The following PARP8 variants were observed in gnomAD, a reference collection of about 807,000 sequenced individuals.
PARP8 encodes poly(ADP-ribose) polymerase family member 8, also known as protein mono-ADP-ribosyltransferase PARP8.
Under a neutral mutation model 124.1 loss-of-function variants are expected in PARP8, and 51 were observed. The observed-to-expected ratio is 0.41, with a 90% CI of 0.33 to 0.52. The LOEUF (loss-of-function observed/expected upper bound fraction) is 0.52, where lower values mean the gene tolerates loss of function less well. Among genes scored for constraint, PARP8 ranks in the 20% least tolerant of loss-of-function variants. PARP8 has a pLI of 0.21. For synonymous variants in PARP8, 391 were observed against 361.5 expected (o/e 1.08, Z -0.93); for missense variants, 860 against 1,018.9 (o/e 0.84, Z 2.12).
At chr5:50,786,336 AG>A (rs1332115422) in intron 9 of PARP8, among the ~76,000 whole-genome samples, 3 of 150,950 alleles carry the variant, frequency 2.0e-5, no homozygotes, top group African/African-American at 7.3e-5. Flanking sequence ...ATTTCATAAC[AG>A]TTGTTTACCT....
intron 2 of PARP8, among the ~76,000 whole-genome samples, chr5:50,721,922 T>C (rs1361471479): frequency 6.6e-6 from 1 of 152,146 alleles, no homozygotes; most frequent in African/African-American, 2.4e-5. Flanking sequence ...TGTTCTTCTT[T>C]TTATATTTTA....
Position 50,761,907 on chromosome 5 carries a change from A to ACC in PARP8, c.423+10_423+11dup. The ACC allele has an allele frequency of 1.9e-6, 3 of 1,560,340 alleles. No homozygotes were observed. The highest frequency in any genetic ancestry group is 1.8e-6 in the Non-Finnish European group (2 of 1,136,916). ...TTTATTACGGAGGGCAGGTAAGGAA[A>ACC]CCTGGTCTTCCAAATACCTAGTCTT... On this transcript the variant is annotated intron_variant, in intron 6 of 25. Transcript: ENST00000281631.
chr5:50,835,918 C>G (rs978314750), intron 25 of PARP8, among the ~76,000 whole-genome samples: 2 of 152,144 alleles, frequency 1.3e-5, no homozygotes, highest in African/African-American at 4.8e-5. Flanking sequence ...CCACCTTATC[C>G]ATGATCTTGT....
rs1288041972 is a variant in PARP8 at position 50,727,615 on chromosome 5, A to G, written c.147-22536A>G. Among the ~76,000 whole-genome samples the G allele has an allele frequency of 2.6e-5, 4 of 152,194 alleles. No homozygotes were observed. The East Asian group carries it at 7.7e-4, about 29-fold the overall frequency. On this transcript the variant is annotated intron_variant, in intron 2 of 25. Transcript: ENST00000281631. Reference sequence around the variant, plus strand: ...TACCTTCCACTGTGCCAGGGGCTACATAGAGAAATAAAATATAATAACCAC... The same window carrying G: ...TACCTTCCACTGTGCCAGGGGCTACGTAGAGAAATAAAATATAATAACCAC...
intron 2 of PARP8, among the ~76,000 whole-genome samples, chr5:50,721,835 T>G (rs1178773441): frequency 1.3e-5 from 2 of 152,132 alleles, no homozygotes; most frequent in Non-Finnish European, 2.9e-5. Flanking sequence ...TACGCAAAAC[T>G]TAATGATTAA....
intron 2 of PARP8, among the ~76,000 whole-genome samples, chr5:50,681,317 A>AT (rs1325830517): frequency 1.2e-4 from 18 of 151,594 alleles, no homozygotes; most frequent in Admixed American, 3.3e-4. Flanking sequence ...TGTTTTTTGG[A>AT]TTTTTTGGCC....
At chr5:50,822,845 C>T (rs748430483) in intron 17 of PARP8, among the ~76,000 whole-genome samples, 10 of 152,014 alleles carry the variant, frequency 6.6e-5, no homozygotes, top group African/African-American at 1.2e-4. Context: ...GCCAGGCTCC[C>T]GGAGAGTATG....
chr5:50,796,647 T>A (rs1298025321), intron 12 of PARP8, among the ~76,000 whole-genome samples: 2 of 152,170 alleles, frequency 1.3e-5, no homozygotes, highest in Non-Finnish European at 1.5e-5. Flanking sequence ...AAGACTGAAG[T>A]CTCCTAATGA....
At chr5:50,717,199 A>G (rs78656599) in intron 2 of PARP8, among the ~76,000 whole-genome samples, 1,729 of 152,186 alleles carry the variant, frequency 0.011, 35 homozygotes, top group African/African-American at 0.04. Context: ...AAACGAAGTT[A>G]ACAGTCTTGG....
Position 50,802,361 on chromosome 5 carries a change from C to T in PARP8, c.1575+5128C>T, listed in dbSNP as rs533058081. ...ACAGATCTTGCTCTGTCCTCTAGACCGGAGTACAGTGGTGCTGATCATAGC... is the reference window on the plus strand; with the variant it reads ...ACAGATCTTGCTCTGTCCTCTAGACTGGAGTACAGTGGTGCTGATCATAGC... On this transcript the variant is annotated intron_variant, in intron 14 of 25. Coordinates refer to ENST00000281631, the MANE Select transcript of PARP8 (RefSeq NM_024615.4). Among the ~76,000 whole-genome samples the T allele has an allele frequency of 3.3e-5, 5 of 152,074 alleles. No homozygotes were observed. In the East Asian group the frequency reaches 5.8e-4, roughly 18 times the overall value.
At chr5:50,685,426 C>A (rs988733918) in intron 2 of PARP8, among the ~76,000 whole-genome samples, 4 of 152,174 alleles carry the variant, frequency 2.6e-5, no homozygotes, top group African/African-American at 9.6e-5. Flanking sequence ...CAGCTGCATA[C>A]AACTCCTGCA....
At chr5:50,701,267 G>A (rs754033336) in intron 2 of PARP8, among the ~76,000 whole-genome samples, 1 of 152,080 alleles carries the variant, frequency 6.6e-6, no homozygotes, top group Non-Finnish European at 1.5e-5. Context: ...GACTGTTCTG[G>A]TAGTGGCTAT....
At chr5:50,676,432 AT>A (rs1376937771) in intron 2 of PARP8, among the ~76,000 whole-genome samples, 3 of 152,232 alleles carry the variant, frequency 2.0e-5, no homozygotes, top group African/African-American at 7.2e-5. Context: ...GTTATACTGA[AT>A]TCATTTATGT....
intron 2 of PARP8, among the ~76,000 whole-genome samples, chr5:50,716,551 G>A (rs539041381): frequency 1.3e-5 from 2 of 152,130 alleles, no homozygotes; most frequent in East Asian, 3.9e-4. Context: ...TTTTCTGTTG[G>A]AATCTCCTAT....
At chr5:50,782,280 C>G (rs1209431967) in intron 9 of PARP8, among the ~76,000 whole-genome samples, 1 of 152,190 alleles carries the variant, frequency 6.6e-6, no homozygotes, top group Non-Finnish European at 1.5e-5. Context: ...TGGCATTACT[C>G]CAAGTTTCTG....
intron 2 of PARP8, among the ~76,000 whole-genome samples, chr5:50,688,996 CAA>C (rs1752182424): frequency 6.7e-6 from 1 of 148,376 alleles, no homozygotes; most frequent in Non-Finnish European, 1.5e-5. Context: ...TGGCATTTGA[CAA>C]GATGTTTAAA....
At chr5:50,782,853 G>A (rs1284538447) in intron 9 of PARP8, among the ~76,000 whole-genome samples, 2 of 152,102 alleles carry the variant, frequency 1.3e-5, no homozygotes, top group African/African-American at 4.8e-5. Context: ...CTAAAAAGTT[G>A]GGAAGAAAAA....
chr5:50,812,224 T>A (rs900922276), intron 14 of PARP8, among the ~76,000 whole-genome samples: 7 of 152,174 alleles, frequency 4.6e-5, no homozygotes, highest in Non-Finnish European at 8.8e-5. Context: ...GTAAAAACAT[T>A]CCAGTTTCTT....
chr5:50,794,465 G>C (rs1199974906), intron 11 of PARP8, 133 bp downstream of exon 11: 18 of 974,294 alleles, frequency 1.8e-5, no homozygotes, highest in Non-Finnish European at 2.4e-5. Context: ...GACTGAGTTA[G>C]ATGCATTCCA....
Sources: allele counts gnomAD v4.1 joint callset (sites outside exome capture counted in the v4.1 genomes callset), GRCh38; gene constraint gnomAD v4.1.1; transcripts MANE v1.5; gene names NCBI Gene and HGNC (gene_info 2026-07-23, HGNC 2026-07-21).